The following STK11 variants were observed in gnomAD, a reference collection of about 807,000 sequenced individuals.
STK11 encodes the protein serine/threonine-protein kinase STK11.
Under a neutral mutation model 47.3 loss-of-function variants are expected in STK11, and 8 were observed. The ratio of observed to expected loss-of-function variants is 0.17; its 90% CI spans 0.10 to 0.31. STK11 has a LOEUF of 0.31. Ranked by LOEUF, STK11 falls within the 10% of genes least tolerant of loss-of-function variation. STK11 has a pLI of 1.00. For missense variants in STK11, 475 were observed against 605.0 expected (o/e 0.79, Z 2.25); for synonymous variants, 330 against 255.8 (o/e 1.29, Z -2.77).
chr19:1,226,423 G>C (rs777345997), intron 8 of STK11, 31 bp from the exon 9 acceptor site: 1 of 1,601,952 alleles, frequency 6.2e-7, no homozygotes, highest in Non-Finnish European at 8.5e-7. Context: ...GCGCCCCTCA[G>C]CTCAGGCCAC....
Position 1,227,665 on chromosome 19 carries a change from G to C in STK11, c.*89G>C, listed in dbSNP as rs181155548. 6.5e-6 allele frequency: 7 copies of C among 1,068,742 alleles called. No homozygotes were observed. Among genetic ancestry groups the C allele is most frequent in the Non-Finnish European group, 7.9e-6 (7 of 881,412 alleles). 66.2% of individuals were successfully genotyped at this position (1,068,742 alleles called of 1,614,324 possible). A position where few individuals can be genotyped will look rare whatever the true frequency, so the allele number is the denominator to read the frequency against. ...TCCTGCCGGTTCCGCCCGCCCTCCC[G>C]GAGAGGTGGCCGCCATGCTTCTGTG... On this transcript the variant is annotated 3_prime_UTR_variant, in exon 10 of 10. Transcript: ENST00000326873.
chr19:1,223,871 G>A, intron 8 of STK11: 1 of 1,020,116 alleles, frequency 9.8e-7, no homozygotes, highest in Non-Finnish European at 1.2e-6. Context: ...GAGTTTTGCA[G>A]TGTATCTGCA....
rs537863415 is a variant in STK11, at chr19:1,221,645, A to G, written c.863-304A>G. On this transcript the variant is annotated intron_variant, in intron 6 of 9. Transcript: ENST00000326873. ...GGGTCTGTCAGGGTTGTCCTGCTGC[A>G]CTTCCTACGCATGGCAGCAGGTGGC... The G allele has an allele frequency of 1.7e-4, 99 of 584,794 alleles. 2 individuals carry two copies. Among genetic ancestry groups the G allele is most frequent in the South Asian group, 1.2e-3 (55 of 46,172 alleles). The allele number at this position is 584,794 out of a possible 1,614,324, so 36.2% of individuals were successfully genotyped here. A position where few individuals can be genotyped will look rare whatever the true frequency, so the allele number is the denominator to read the frequency against.
In STK11 at chr19:1,218,414, C is replaced by T. The variant is rs864622697; in HGVS notation, c.291-3C>T. On this transcript the variant is annotated splice_region_variant and splice_polypyrimidine_tract_variant and intron_variant, in intron 1 of 9. Transcript: ENST00000326873. The stretch of plus-strand genomic sequence containing the variant: ...TGATACACCCCTGTCCTCTCTGTCC[C>T]AGGGAAATTCAACTACTGAGGAGGT... 1 of 1,613,334 alleles carries T rather than the reference C, an allele frequency of 6.2e-7. No individual in the cohort carries two copies.
At chr19:1,207,336 G>A in intron 1 of STK11, 133 bp downstream of exon 1, 1 of 1,244,580 alleles carries the variant, frequency 8.0e-7, no homozygotes, top group Non-Finnish European at 1.1e-6. Flanking sequence ...TCTGGCGCCT[G>A]TGTCCTCCGT....
At chr19:1,219,436 AGGGTGGGGCGGGGGCCG>A (rs1325483185) in intron 3 of STK11, 23 bp downstream of exon 3, 1 of 684,968 alleles carries the variant, frequency 1.5e-6, no homozygotes, top group Admixed American at 2.4e-5. Context: ...GGCAGGGGCC[AGGGTGGGGCGGGGGCCG>A]GGGGCCAGGC....
rs1395888268 is a variant in STK11, at chr19:1,206,751, T to G, written c.-163T>G. On this transcript the variant is annotated 5_prime_UTR_variant, in exon 1 of 10. Transcript: ENST00000326873. The stretch of plus-strand genomic sequence containing the variant: ...GGGACTGACGTGTAGAACAATCGTT[T>G]CTGTTGGAAGAAGGGTTTTTCCCTT... The G allele has an allele frequency of 9.4e-6, 9 of 956,284 alleles. No individual in the cohort carries two copies. The highest frequency in any genetic ancestry group is 1.8e-5 in the South Asian group (1 of 55,616). The allele number at this position is 956,284 out of a possible 1,614,324, so 59.2% of individuals were successfully genotyped here.
chr19:1,220,080 G>A (rs1406406299), intron 3 of STK11: 20 of 396,982 alleles, frequency 5.0e-5, no homozygotes, highest in African/African-American at 3.5e-4. Flanking sequence ...GCAGGGAGGG[G>A]CCTGCTGTTC....
At position 1,226,674 on chromosome 19, in the gene STK11, G is replaced by A. The variant is rs1468364749; in HGVS notation, c.*16+11G>A. On this transcript the variant is annotated intron_variant, in intron 9 of 9. Coordinates refer to ENST00000326873, the MANE Select transcript of STK11 (RefSeq NM_000455.5). ...GCTGGCCGCCTGCAGGTGGGGCGCG[G>A]CGGGGCCCGGGTGGGGCATGTGGGG... 1.3e-6 allele frequency: 2 copies of A among 1,487,200 alleles called. No individual in the cohort carries two copies. The highest frequency in any genetic ancestry group is 1.3e-5 in the South Asian group (1 of 75,360). 92.1% of individuals were successfully genotyped at this position (1,487,200 alleles called of 1,614,324 possible). A position where few individuals can be genotyped will look rare whatever the true frequency, so the allele number is the denominator to read the frequency against.
chr19:1,217,750 G>A (rs2080754154), intron 1 of STK11, among the ~76,000 whole-genome samples: 1 of 152,178 alleles, frequency 6.6e-6, no homozygotes, highest in African/African-American at 2.4e-5. Flanking sequence ...TGGCTGCGTG[G>A]GACTGTACTG....
rs2145424933 is a variant in STK11 at position 1,220,563 on chromosome 19, T to C, written c.598-18T>C. The C allele has an allele frequency of 6.4e-7, 1 of 1,574,764 alleles. No individual in the cohort carries two copies. The highest frequency in any genetic ancestry group is 1.3e-5 in the African/African-American group (1 of 74,198). ...CCCCTCCCGGGCACTCCCTGAGGGC[T>C]GCACGGCACCGCCACAGGCACTGCA... On this transcript the variant is annotated intron_variant, in intron 4 of 9. Coordinates refer to ENST00000326873, the MANE Select transcript of STK11 (RefSeq NM_000455.5).
At chr19:1,212,787 G>A (rs926438020) in intron 1 of STK11, among the ~76,000 whole-genome samples, 6 of 151,820 alleles carry the variant, frequency 4.0e-5, no homozygotes, top group Admixed American at 2.6e-4. Flanking sequence ...CTTGTGATCC[G>A]CCCGCCTCGG....
intron 7 of STK11, 135 bp from the exon 8 acceptor site, chr19:1,222,850 A>G: frequency 2.9e-6 from 3 of 1,042,236 alleles, no homozygotes; most frequent in Non-Finnish European, 4.0e-6. Context: ...TTCTGTGGTC[A>G]CAGCCACCCC....
At chr19:1,219,113 C>T (rs930583348) in intron 2 of STK11, among the ~76,000 whole-genome samples, 6 of 152,288 alleles carry the variant, frequency 3.9e-5, no homozygotes, top group Non-Finnish European at 7.4e-5. Flanking sequence ...AGAGTCAGCC[C>T]TGTCCTCCCC....
At chr19:1,217,556 G>A (rs2080752564) in intron 1 of STK11, among the ~76,000 whole-genome samples, 1 of 151,922 alleles carries the variant, frequency 6.6e-6, no homozygotes, top group Non-Finnish European at 1.5e-5. Flanking sequence ...TGACAGGCAG[G>A]TGGGCGTGGC....
intron 6 of STK11, 68 bp downstream of exon 6, chr19:1,221,408 G>A (rs1004065468): frequency 4.7e-6 from 7 of 1,501,504 alleles, no homozygotes; most frequent in Non-Finnish European, 6.2e-6. Context: ...TGTAGGGTTG[G>A]GGGTGTCAGG....
Position 1,206,787 on chromosome 19 carries a change from T to A in STK11, c.-127T>A. 2 of 1,253,452 alleles carry A rather than the reference T, an allele frequency of 1.6e-6. No homozygotes were observed. Among genetic ancestry groups the A allele is most frequent in the South Asian group, 3.2e-5 (2 of 62,142 alleles). The allele number at this position is 1,253,452 out of a possible 1,614,324, so 77.6% of individuals were successfully genotyped here. ...AAGGGTTTTTCCCTTCCTTTTGGGG[T>A]TTTTGTTGCCTTTTTTTTTTCTTTT... On this transcript the variant is annotated 5_prime_UTR_variant, in exon 1 of 10. Coordinates refer to ENST00000326873, the MANE Select transcript of STK11 (RefSeq NM_000455.5).
At chr19:1,221,852 A>G (rs1429660865) in intron 6 of STK11, 97 bp from the exon 7 acceptor site, 1 of 1,429,978 alleles carries the variant, frequency 7.0e-7, no homozygotes, top group African/African-American at 1.4e-5. Flanking sequence ...TCCAGGTATC[A>G]CCCAGGGCCT....
rs2080666407 is a variant in STK11, at chr19:1,206,539, G to A, written c.-375G>A. 1 of 322,946 alleles carries A rather than the reference G, an allele frequency of 3.1e-6. No individual in the cohort carries two copies. The highest frequency in any genetic ancestry group is 5.8e-6 in the Non-Finnish European group (1 of 172,926). 20.0% of individuals were successfully genotyped at this position (322,946 alleles called of 1,614,324 possible). A position where few individuals can be genotyped will look rare whatever the true frequency, so the allele number is the denominator to read the frequency against. ...CTTGTCCGTGGGCCTGAGGTCCCCG[G>A]AGGATGACCTAGCACTGAAAAGCCC... is the stretch of plus-strand genomic sequence containing the variant. On this transcript the variant is annotated 5_prime_UTR_variant, in exon 1 of 10. Transcript: ENST00000326873.
Sources: gnomAD v4.1 joint callset for allele counts (sites outside exome capture counted in the v4.1 genomes callset) on GRCh38, gnomAD v4.1.1 for gene constraint, MANE v1.5 for transcripts, NCBI Gene and HGNC (gene_info 2026-07-23, HGNC 2026-07-21) for gene names.